The following SPTB variants were observed in gnomAD, a reference collection of about 807,000 sequenced individuals.
SPTB encodes the protein spectrin beta chain, erythrocytic.
SPTB carries 45 observed loss-of-function variants against 256.2 expected under a neutral mutation model. The observed-to-expected ratio is 0.18, with a 90% CI of 0.14 to 0.23. SPTB has a LOEUF of 0.23. Ranked by LOEUF, SPTB falls within the 10% of genes least tolerant of loss-of-function variation. The pLI is 1.00. For missense variants in SPTB, 2,715 were observed against 3,040.4 expected, an observed-to-expected ratio of 0.89 and a Z score of 2.52; for synonymous variants, 1,231 against 1,243.1, an observed-to-expected ratio of 0.99 and a Z score of 0.21.
intron 1 of SPTB, among the ~76,000 whole-genome samples, chr14:64,867,152 T>C (rs1433555092): frequency 6.6e-6 from 1 of 152,178 alleles, no homozygotes; most frequent in African/African-American, 2.4e-5. Flanking sequence ...TCCACTCAAG[T>C]CTAAAGCAAT....
At position 64,794,366 on chromosome 14, in the gene SPTB, T is replaced by A. The variant is rs141761711; in HGVS notation, c.1795+101A>T. ...CATTACTTGATGAAAGTAACAGAAC[T>A]TTAAAGTTGGTTCCAGGAGATTTAT... On this transcript the variant is annotated intron_variant, in intron 13 of 35. Coordinates refer to ENST00000644917, the MANE Select transcript of SPTB (RefSeq NM_001355436.2). 142 of 1,493,416 alleles carry A rather than the reference T, an allele frequency of 9.5e-5. 1 individual carries two copies. The African/African-American group carries it at 1.6e-3, about 17-fold the overall frequency. The allele number at this position is 1,493,416 out of a possible 1,614,324, so 92.5% of individuals were successfully genotyped here. A position where few individuals can be genotyped will look rare whatever the true frequency, so the allele number is the denominator to read the frequency against.
chr14:64,802,132 GTGA>G lies in SPTB; in HGVS notation c.566+91_566+93del, dbSNP rs2082898382. Reference sequence around the variant, plus strand: ...TACAGGGAGGCAGCTGTAGTTCTGGGTGATGATGTCTAATGTCCCTCTGGAGAT... The same window carrying G: ...TACAGGGAGGCAGCTGTAGTTCTGGGTGATGTCTAATGTCCCTCTGGAGAT... On this transcript the variant is annotated intron_variant, in intron 5 of 35. Transcript: ENST00000644917. This position sits in a 1 kb window ranked among gnomAD's most constrained non-coding sequence, Gnocchi z 5.1. 1 of 1,197,166 alleles carries G rather than the reference GTGA, an allele frequency of 8.4e-7. No individual in the cohort carries two copies. Among genetic ancestry groups the G allele is most frequent in the Non-Finnish European group, 1.2e-6 (1 of 810,254 alleles). The allele number at this position is 1,197,166 out of a possible 1,614,324, so 74.2% of individuals were successfully genotyped here.
chr14:64,750,222 C>A, intron 33 of SPTB, 68 bp from the exon 34 acceptor site: 1 of 1,508,628 alleles, frequency 6.6e-7, no homozygotes, highest in South Asian at 1.3e-5. Context: ...ATTCCTATAG[C>A]TTCACCATTA....
chr14:64,805,126 G>A (rs1258610861), intron 2 of SPTB, 36 bp from the exon 3 acceptor site: 4 of 1,613,820 alleles, frequency 2.5e-6, no homozygotes, highest in African/African-American at 2.7e-5. Flanking sequence ...AGGTGCCTGA[G>A]GTTGGCAGGG....
intron 25 of SPTB, 99 bp from the exon 26 acceptor site, chr14:64,773,053 C>A: frequency 6.4e-7 from 1 of 1,563,772 alleles, no homozygotes; most frequent in Admixed American, 1.8e-5. Flanking sequence ...ACTGCAGCTC[C>A]GGGAGCTGCG....
chr14:64,801,445 C>A, intron 6 of SPTB, 45 bp from the exon 7 acceptor site: 1 of 1,443,192 alleles, frequency 6.9e-7, no homozygotes, highest in Non-Finnish European at 9.8e-7. Context: ...CCACAGCATC[C>A]CCACCAGGAG....
intron 1 of SPTB, among the ~76,000 whole-genome samples, chr14:64,833,208 A>G (rs151167): frequency 0.057 from 8,691 of 152,204 alleles, 895 homozygotes; most frequent in African/African-American, 0.2. Context: ...CCTTTACAGA[A>G]TAACTTCTTC....
chr14:64,751,160 C>A (rs1188961629), intron 33 of SPTB, among the ~76,000 whole-genome samples: 1 of 149,838 alleles, frequency 6.7e-6, no homozygotes, highest in Non-Finnish European at 1.5e-5. Flanking sequence ...GCCTCTGTCA[C>A]TCAGGCTAGA....
At position 64,747,090 on chromosome 14, in the gene SPTB, G is replaced by A. The variant is rs1049000032; in HGVS notation, c.*2216C>T. The A allele has an allele frequency of 6.5e-6, 1 of 152,754 alleles. No individual in the cohort carries two copies. The highest frequency in any genetic ancestry group is 1.9e-4 in the East Asian group (1 of 5,158). 9.5% of individuals were successfully genotyped at this position (152,754 alleles called of 1,614,324 possible). On this transcript the variant is annotated 3_prime_UTR_variant, in exon 36 of 36. Coordinates refer to ENST00000644917, the MANE Select transcript of SPTB (RefSeq NM_001355436.2). Reference sequence around the variant, plus strand: ...CTGGCTGCCCTGGACCAGGCCAGGGGACCTGGGGTGGTGAGATGCTAGCTC... The same window carrying A: ...CTGGCTGCCCTGGACCAGGCCAGGGAACCTGGGGTGGTGAGATGCTAGCTC...
At position 64,775,516 on chromosome 14, in the gene SPTB, G is replaced by C. The variant is rs1266376988; in HGVS notation, c.4564-113C>G. ...TTGGTCCCTCTCACCCCCGTTGCTA[G>C]AGCAGAGCAGGTGATGGCGATAAGA... On this transcript the variant is annotated intron_variant, in intron 22 of 35. Coordinates refer to ENST00000644917, the MANE Select transcript of SPTB (RefSeq NM_001355436.2). This position sits in a 1 kb window ranked among gnomAD's most constrained non-coding sequence, Gnocchi z 5.0. 2.1e-5 allele frequency: 29 copies of C among 1,372,404 alleles called. No individual in the cohort carries two copies. The highest frequency in any genetic ancestry group is 4.9e-4 in the Middle Eastern group (2 of 4,064). The allele number at this position is 1,372,404 out of a possible 1,614,324, so 85.0% of individuals were successfully genotyped here.
intron 30 of SPTB, 90 bp from the exon 31 acceptor site, chr14:64,767,442 C>A: frequency 1.3e-6 from 2 of 1,549,950 alleles, no homozygotes; most frequent in South Asian, 1.1e-5. Flanking sequence ...CCCTGCACCC[C>A]CACATGCCCT....
rs1474668887 is a variant in SPTB at position 64,764,241 on chromosome 14, C to G, written c.6345+2485G>C. Reference sequence around the variant, plus strand: ...GACCAGCCACTGGGCTTGCAAGGAGCCTTCTAGAGCCAGGTTGGGCTTTCC... The same window carrying G: ...GACCAGCCACTGGGCTTGCAAGGAGGCTTCTAGAGCCAGGTTGGGCTTTCC... On this transcript the variant is annotated intron_variant, in intron 32 of 35. Coordinates refer to ENST00000644917, the MANE Select transcript of SPTB (RefSeq NM_001355436.2). The surrounding 1 kb of genome is among the most constrained non-coding windows in gnomAD (Gnocchi z 4.2). Among the ~76,000 whole-genome samples, 1 of 152,216 alleles carries G rather than the reference C, an allele frequency of 6.6e-6. No homozygotes were observed. The highest frequency in any genetic ancestry group is 2.4e-5 in the African/African-American group (1 of 41,452).
chr14:64,859,982 G>T (rs925122863), intron 1 of SPTB, among the ~76,000 whole-genome samples: 5 of 152,080 alleles, frequency 3.3e-5, no homozygotes, highest in African/African-American at 9.7e-5. Flanking sequence ...AATGAGAAAA[G>T]GTAAAATTGC....
chr14:64,791,941 T>C (rs2082682687), intron 14 of SPTB, 85 bp from the exon 15 acceptor site: 2 of 1,568,160 alleles, frequency 1.3e-6, no homozygotes, highest in South Asian at 1.1e-5. Context: ...CTCCAGAACA[T>C]GTAGCTCTTG....
intron 15 of SPTB, 148 bp from the exon 16 acceptor site, chr14:64,787,308 A>C: frequency 2.8e-6 from 3 of 1,077,046 alleles, no homozygotes; most frequent in Non-Finnish European, 4.0e-6. Flanking sequence ...AATCTACCTA[A>C]CGAAGTGTAG....
intron 2 of SPTB, among the ~76,000 whole-genome samples, chr14:64,811,659 T>C (rs2083093371): frequency 6.6e-6 from 1 of 152,218 alleles, no homozygotes; most frequent in Non-Finnish European, 1.5e-5. Context: ...TAACAAAATA[T>C]CAACAATTGT....
rs1262068175 is a variant in SPTB, at chr14:64,827,265, C to T, written c.-51-4120G>A. On this transcript the variant is annotated intron_variant, in intron 1 of 35. Transcript: ENST00000644917. The surrounding 1 kb of genome is among the most constrained non-coding windows in gnomAD (Gnocchi z 4.6). ...ATCCTCTCCTCTTCCCTGGGTCATA[C>T]AAAAGTGAGAAGCAACAAAGCACAA... is the stretch of plus-strand genomic sequence containing the variant. Among the ~76,000 whole-genome samples, 1 of 152,170 alleles carries T rather than the reference C, an allele frequency of 6.6e-6. No homozygotes were observed. The highest frequency in any genetic ancestry group is 1.9e-4 in the East Asian group (1 of 5,192).
intron 20 of SPTB, 139 bp downstream of exon 20, chr14:64,782,151 A>T: frequency 7.9e-7 from 1 of 1,264,134 alleles, no homozygotes; most frequent in Non-Finnish European, 1.1e-6. Flanking sequence ...TATGTGCAAT[A>T]AACCCCCATG....
chr14:64,876,164 C>G (rs1882814159), intron 1 of SPTB, among the ~76,000 whole-genome samples: 2 of 151,950 alleles, frequency 1.3e-5, no homozygotes, highest in South Asian at 4.2e-4. Context: ...TTGTTTGAGA[C>G]ACAATCTCAC....
Sources: gnomAD v4.1 joint callset for allele counts (sites outside exome capture counted in the v4.1 genomes callset) on GRCh38, gnomAD v4.1.1 for gene constraint, Gnocchi (gnomAD v3.1) non-coding constraint, MANE v1.5 for transcripts, NCBI Gene and HGNC (gene_info 2026-07-23, HGNC 2026-07-21) for gene names.